The following ZBTB16 variants were observed in gnomAD, a reference collection of about 807,000 sequenced individuals.
The protein encoded by ZBTB16 is zinc finger and BTB domain containing 16.
A neutral mutation model predicts 56.8 loss-of-function variants in ZBTB16; 8 were observed. That is an observed-to-expected ratio of 0.14 (90% CI 0.08 to 0.25). The LOEUF is 0.25. Among genes scored for constraint, ZBTB16 ranks in the 10% least tolerant of loss-of-function variants. The pLI is 1.00. For missense variants in ZBTB16, 625 were observed against 903.0 expected (o/e 0.69, Z 3.95); for synonymous variants, 363 against 368.5 (o/e 0.98, Z 0.17).
intron 2 of ZBTB16, chr11:114,121,698 C>T (rs1238527602): frequency 7.3e-6 from 3 of 413,542 alleles, no homozygotes; most frequent in African/African-American, 6.2e-5. Flanking sequence ...AGTGGTAGAA[C>T]TGGAATTTGA....
At chr11:114,152,640 A>G (rs1400724138) in intron 2 of ZBTB16, among the ~76,000 whole-genome samples, 1 of 152,220 alleles carries the variant, frequency 6.6e-6, no homozygotes, top group Non-Finnish European at 1.5e-5. Flanking sequence ...GGGGCAATGG[A>G]ATCTCCACTG....
At chr11:114,098,857 G>A (rs1279492367) in intron 2 of ZBTB16, among the ~76,000 whole-genome samples, 1 of 151,862 alleles carries the variant, frequency 6.6e-6, no homozygotes, top group African/African-American at 2.4e-5. Context: ...ATGGGGGAGG[G>A]GTCTTTTCAC....
intron 3 of ZBTB16, among the ~76,000 whole-genome samples, chr11:114,183,131 G>C (rs1171930843): frequency 1.3e-5 from 2 of 152,210 alleles, no homozygotes; most frequent in African/African-American, 4.8e-5. Context: ...GTCCGGGTGG[G>C]CGTGGGAGTA....
chr11:114,186,289 C>G (rs140069504), intron 3 of ZBTB16, among the ~76,000 whole-genome samples: 2,393 of 152,276 alleles, frequency 0.016, 18 homozygotes, highest in Middle Eastern at 0.031. Flanking sequence ...AACACGGTTC[C>G]TCCAGGCAGC....
intron 2 of ZBTB16, among the ~76,000 whole-genome samples, chr11:114,133,033 A>G (rs377665132): frequency 6.6e-6 from 1 of 152,150 alleles, no homozygotes; most frequent in Non-Finnish European, 1.5e-5. Flanking sequence ...TGAATATTTT[A>G]TGGGAAAGGA....
rs960210379 is a variant in ZBTB16 at position 114,256,028 on chromosome 11, T to G, written c.*5473T>G. ...AAGTACTTGGTTTTGTTTTGTTTTT[T>G]TTTTTTGTTTTTTTTGCCTTTTCTT... On this transcript the variant is annotated 3_prime_UTR_variant, in exon 7 of 7. Transcript: ENST00000335953. Among the ~76,000 whole-genome samples, 70 of 119,314 alleles carry G rather than the reference T, an allele frequency of 5.9e-4. No individual in the cohort carries two copies. Among genetic ancestry groups the G allele is most frequent in the Admixed American group, 3.8e-3 (46 of 12,198 alleles). 78.3% of individuals were successfully genotyped at this position (119,314 alleles called of 152,430 possible). A position where few individuals can be genotyped will look rare whatever the true frequency, so the allele number is the denominator to read the frequency against.
intron 2 of ZBTB16, among the ~76,000 whole-genome samples, chr11:114,086,526 A>G (rs1366652917): frequency 6.6e-6 from 1 of 152,192 alleles, no homozygotes; most frequent in African/African-American, 2.4e-5. Flanking sequence ...CCATGAGGAT[A>G]GTGATTGTGG....
intron 4 of ZBTB16, among the ~76,000 whole-genome samples, chr11:114,215,339 TTC>T (rs968340901): frequency 6.6e-6 from 1 of 152,200 alleles, no homozygotes; most frequent in Non-Finnish European, 1.5e-5. Context: ...CTGCTCCCTC[TTC>T]TCATTGAGGA....
At chr11:114,207,463 C>A (rs1179485008) in intron 4 of ZBTB16, among the ~76,000 whole-genome samples, 1 of 152,052 alleles carries the variant, frequency 6.6e-6, no homozygotes, top group Non-Finnish European at 1.5e-5. Context: ...TCTTTTGTCA[C>A]CCCCTATGAT....
At chr11:114,100,121 A>G (rs1940556865) in intron 2 of ZBTB16, among the ~76,000 whole-genome samples, 1 of 152,196 alleles carries the variant, frequency 6.6e-6, no homozygotes, top group South Asian at 2.1e-4. Context: ...AATGACACTA[A>G]TATATTCTGA....
intron 2 of ZBTB16, among the ~76,000 whole-genome samples, chr11:114,132,746 G>A (rs1316530972): frequency 1.3e-5 from 2 of 152,116 alleles, no homozygotes; most frequent in African/African-American, 2.4e-5. Context: ...GGAGCCTCCC[G>A]GCAGGCACTC....
chr11:114,072,977 G>A (rs567655862), intron 2 of ZBTB16, among the ~76,000 whole-genome samples: 1 of 150,892 alleles, frequency 6.6e-6, no homozygotes, highest in South Asian at 2.1e-4. Context: ...GCGTGAACCC[G>A]GGAGGCAGAG....
At chr11:114,236,051 C>A (rs1383355545) in intron 4 of ZBTB16, among the ~76,000 whole-genome samples, 1 of 152,102 alleles carries the variant, frequency 6.6e-6, no homozygotes, top group African/African-American at 2.4e-5. Flanking sequence ...TCCCTTTGAG[C>A]AGATACCCTG....
intron 2 of ZBTB16, among the ~76,000 whole-genome samples, chr11:114,124,568 A>AC (rs1941445067): frequency 1.4e-5 from 2 of 146,014 alleles, no homozygotes; most frequent in Admixed American, 7.1e-5. Flanking sequence ...AAAAAAAAAA[A>AC]AAAACAAAAA....
chr11:114,190,730 TACAC>T (rs746167648), intron 4 of ZBTB16, among the ~76,000 whole-genome samples: 38,518 of 143,482 alleles, frequency 0.27, 5,176 homozygotes, highest in Middle Eastern at 0.35. Flanking sequence ...CTCTCTCTCA[TACAC>T]ACACACACAC....
intron 4 of ZBTB16, among the ~76,000 whole-genome samples, chr11:114,190,790 CACAA>C (rs1943475224): frequency 1.3e-5 from 2 of 152,068 alleles, no homozygotes; most frequent in Non-Finnish European, 2.9e-5. Context: ...TACATACACA[CACAA>C]ACAGAGTGAC....
chr11:114,095,341 A>G (rs1591660557), intron 2 of ZBTB16, among the ~76,000 whole-genome samples: 1 of 136,704 alleles, frequency 7.3e-6, no homozygotes, highest in Admixed American at 8.1e-5. Flanking sequence ...GCTCACTGCA[A>G]CCTCCGCCTC....
intron 3 of ZBTB16, among the ~76,000 whole-genome samples, chr11:114,170,153 T>C (rs1942918658): frequency 6.6e-6 from 1 of 152,166 alleles, no homozygotes. Context: ...AAGCAAGGCT[T>C]AAAATTGGAT....
intron 4 of ZBTB16, among the ~76,000 whole-genome samples, chr11:114,218,514 C>T (rs1421549258): frequency 6.6e-6 from 1 of 152,190 alleles, no homozygotes; most frequent in African/African-American, 2.4e-5. Context: ...CACTTCGGGA[C>T]CAGCTGCTGG....
Sources: gnomAD v4.1 joint callset for allele counts (sites outside exome capture counted in the v4.1 genomes callset) on GRCh38, gnomAD v4.1.1 for gene constraint, MANE v1.5 for transcripts, NCBI Gene and HGNC (gene_info 2026-07-23, HGNC 2026-07-21) for gene names.